The following ZNF816 variants were observed in gnomAD, a reference collection of about 807,000 sequenced individuals.
ZNF816 encodes zinc finger protein 816A.
Under a neutral mutation model 8.3 loss-of-function variants are expected in ZNF816, and 11 were observed. The ratio of observed to expected loss-of-function variants is 1.32; its 90% CI spans 0.83 to 2.19. ZNF816 has a LOEUF of 2.19. Ranked by LOEUF, ZNF816 falls within the 30% of genes most tolerant of loss-of-function variation. The pLI, the probability that ZNF816 is intolerant of heterozygous loss-of-function variation, is 0.00. For missense variants in ZNF816, 710 were observed against 779.3 expected (o/e 0.91, Z 1.06); for synonymous variants, 255 against 254.5 (o/e 1.00, Z -0.02).
In ZNF816 at chr19:52,950,319, A is replaced by G. The variant is rs771392887; in HGVS notation, c.1456T>C (p.Cys486Arg). Reference sequence around the variant, plus strand: ...TCTCTTCGACTAAAAACCTTGCCACATTCATTACATGTGTAAGGTTTCTCT... The same window carrying G: ...TCTCTTCGACTAAAAACCTTGCCACGTTCATTACATGTGTAAGGTTTCTCT... Reference protein sequence around the residue: ...TGEKPYTCNECGKVFSRRENL... With the variant: ...TGEKPYTCNERGKVFSRRENL... The change falls in exon 4 of 4, where the codon TGT becomes CGT. Residue 486 changes from cysteine to arginine, a missense_variant. Coordinates refer to ENST00000444460, the MANE Select transcript of ZNF816 (RefSeq NM_001202457.3). 1.2e-6 allele frequency: 2 copies of G among 1,614,020 alleles called. No homozygotes were observed. Among genetic ancestry groups the G allele is most frequent in the Admixed American group, 3.3e-5 (2 of 60,026 alleles).
At position 52,952,857 on chromosome 19, in the gene ZNF816, A is replaced by C. The variant is rs752985239; in HGVS notation, c.84T>G (p.Asp28Glu). Residue 28 changes from aspartate (D) to glutamate (E), a missense_variant, in exon 3 of 4, where the codon GAT becomes GAG. Asp to Glu is a conservative substitution (Grantham distance 45). Transcript: ENST00000444460. ...ALPQGRLTFR[D>E]VAIEFSLEEW... ...CCTCCAAAGAGAACTCTATAGCCACATCCCTGAAAGTCAAGCGTCCCTAAA... is the reference window on the plus strand; with the variant it reads ...CCTCCAAAGAGAACTCTATAGCCACCTCCCTGAAAGTCAAGCGTCCCTAAA... The C allele has an allele frequency of 6.2e-7, 1 of 1,604,588 alleles. No individual in the cohort carries two copies.
intron 2 of ZNF816, among the ~76,000 whole-genome samples, chr19:52,954,949 A>AT (rs1258432571): frequency 3.3e-5 from 5 of 152,156 alleles, no homozygotes; most frequent in Non-Finnish European, 7.3e-5. Flanking sequence ...AGACATGGGA[A>AT]TGGGTGGAAG....
intron 2 of ZNF816, 83 bp from the exon 3 acceptor site, chr19:52,952,960 G>A: frequency 6.6e-7 from 1 of 1,507,510 alleles, no homozygotes; most frequent in Non-Finnish European, 8.8e-7. Flanking sequence ...CAGAAAATAA[G>A]TATTGATTTG....
At position 52,962,670 on chromosome 19, in the gene ZNF816, C is replaced by G. The variant is rs549074502; in HGVS notation, c.-16+57G>C. 3 of 152,314 alleles carry G rather than the reference C, an allele frequency of 2.0e-5. No homozygotes were observed. The South Asian group carries it at 6.2e-4, about 32-fold the overall frequency. 9.4% of individuals were successfully genotyped at this position (152,314 alleles called of 1,614,324 possible). On this transcript the variant is annotated intron_variant, in intron 1 of 3. Coordinates refer to ENST00000444460, the MANE Select transcript of ZNF816 (RefSeq NM_001202457.3). Reference sequence around the variant, plus strand: ...GGCCCCACTGCAGAAAGACCGGGGACGGGACCAGCCTCAGGGCAACTTTAA... The same window carrying G: ...GGCCCCACTGCAGAAAGACCGGGGAGGGGACCAGCCTCAGGGCAACTTTAA...
At position 52,955,931 on chromosome 19, in the gene ZNF816, G is replaced by T; in HGVS notation, c.63+96C>A. The T allele has an allele frequency of 4.0e-6, 6 of 1,482,450 alleles. No homozygotes were observed. The South Asian group carries it at 5.1e-5, about 12-fold the overall frequency. 91.8% of individuals were successfully genotyped at this position (1,482,450 alleles called of 1,614,324 possible). On this transcript the variant is annotated intron_variant, in intron 2 of 3. Transcript: ENST00000444460. ...GGGTGAGTGCGAGCAAACGTGTGATGTAGAATGCTTCACACTCAGAGAAGA... is the reference window on the plus strand; with the variant it reads ...GGGTGAGTGCGAGCAAACGTGTGATTTAGAATGCTTCACACTCAGAGAAGA...
chr19:52,958,213 C>T (rs560821941), intron 1 of ZNF816, among the ~76,000 whole-genome samples: 22 of 152,314 alleles, frequency 1.4e-4, no homozygotes, highest in Admixed American at 1.1e-3. Flanking sequence ...CCAATGACTA[C>T]AGGCCGGTAC....
Position 52,951,239 on chromosome 19 carries a change from T to G in ZNF816, c.536A>C (p.Gln179Pro), listed in dbSNP as rs1380239232. The G allele has an allele frequency of 3.7e-6, 6 of 1,614,118 alleles. No individual in the cohort carries two copies. The South Asian group carries it at 6.6e-5, about 18-fold the overall frequency. The change falls in exon 4 of 4, where the codon CAA (glutamine) becomes CCA (proline). Residue 179 changes from glutamine (Q) to proline (P), a missense_variant. Coordinates refer to ENST00000444460, the MANE Select transcript of ZNF816 (RefSeq NM_001202457.3). Reference sequence around the variant, plus strand: ...GGAAGCACCGATAGACTTGTCCAATTGGTTACTAATTTTCCCTTTAGTCTG... The same window carrying G: ...GGAAGCACCGATAGACTTGTCCAATGGGTTACTAATTTTCCCTTTAGTCTG... The part of the protein sequence containing the change: ...MFQTKGKISN[Q>P]LDKSIGASSA...
Position 52,949,716 on chromosome 19 carries a change from T to C in ZNF816, c.*103A>G, listed in dbSNP as rs923207480. 4 of 1,558,292 alleles carry C rather than the reference T, an allele frequency of 2.6e-6. No individual in the cohort carries two copies. The highest frequency in any genetic ancestry group is 2.7e-5 in the African/African-American group (2 of 73,732). On this transcript the variant is annotated 3_prime_UTR_variant, in exon 4 of 4. Transcript: ENST00000444460. Reference sequence around the variant, plus strand: ...TGAACTACAAGTTATGAATGACGTCTGAAAAATTTGCCACATTTATTACAC... The same window carrying C: ...TGAACTACAAGTTATGAATGACGTCCGAAAAATTTGCCACATTTATTACAC...
chr19:52,960,325 C>A (rs1390419058), intron 1 of ZNF816: 2 of 236,026 alleles, frequency 8.5e-6, no homozygotes, highest in Non-Finnish European at 1.7e-5. Flanking sequence ...TCGTGTGTAC[C>A]TACTCTAGGT....
rs114212069 is a variant in ZNF816, at chr19:52,956,120, G to A, written c.-15-16C>T. Reference sequence around the variant, plus strand: ...TTTGGAAATCCTGTATGTTAAAAAAGCAAGAGATTTAATATTTAGAAACCA... The same window carrying A: ...TTTGGAAATCCTGTATGTTAAAAAAACAAGAGATTTAATATTTAGAAACCA... On this transcript the variant is annotated splice_polypyrimidine_tract_variant and intron_variant, in intron 1 of 3. Transcript: ENST00000444460. 2 of 1,596,742 alleles carry A rather than the reference G, an allele frequency of 1.3e-6. No homozygotes were observed. Among genetic ancestry groups the A allele is most frequent in the East Asian group, 2.2e-5 (1 of 44,704 alleles).
In ZNF816 at chr19:52,950,142, C is replaced by G. The variant is rs1482357265; in HGVS notation, c.1633G>C (p.Ala545Pro). Residue 545 changes from alanine to proline, a missense_variant, in exon 4 of 4, where the codon GCT (alanine) becomes CCT (proline). By Grantham distance (27) the Ala-to-Pro change is conservative. Transcript: ENST00000444460. ...KPYKCKVCDK[A>P]FRSDSCLANH... ...GCAAGGCATGAATCACTCCGGAAAG[C>G]CTTGTCACAAACCTTACATTTGTAT... The G allele has an allele frequency of 3.7e-6, 6 of 1,613,990 alleles. No individual in the cohort carries two copies. Among genetic ancestry groups the G allele is most frequent in the Non-Finnish European group, 5.1e-6 (6 of 1,179,956 alleles).
At chr19:52,955,948 C>A in intron 2 of ZNF816, 79 bp downstream of exon 2, 17 of 1,538,908 alleles carry the variant, frequency 1.1e-5, no homozygotes, top group Non-Finnish European at 1.5e-5. Flanking sequence ...GCTTCACACT[C>A]AGAGAAGATT....
chr19:52,956,749 T>C (rs1199007880), intron 1 of ZNF816, among the ~76,000 whole-genome samples: 1 of 152,158 alleles, frequency 6.6e-6, no homozygotes, highest in Non-Finnish European at 1.5e-5. Flanking sequence ...CCACTTCTCC[T>C]GCTGCCTTCC....
Position 52,949,841 on chromosome 19 carries a change from C to T in ZNF816, c.1934G>A (p.Cys645Tyr), listed in dbSNP as rs776452458. Residue 645 changes from cysteine (C) to tyrosine (Y), a missense_variant, in exon 4 of 4, where the codon TGT becomes TAT. Cys to Tyr is a radical substitution (Grantham distance 194, BLOSUM62 -2). Transcript: ENST00000444460. ...TLIHHQAIHG[C>Y]RETLQM ...TCATTACATTTGTAAAGTTTCCCTA[C>T]ACCCATGGATTGCTTGATGGTGAAT... is the stretch of plus-strand genomic sequence containing the variant. The T allele has an allele frequency of 2.3e-5, 37 of 1,613,566 alleles. No individual in the cohort carries two copies. The East Asian group carries it at 2.9e-4, about 13-fold the overall frequency.
chr19:52,952,818 C>T lies in ZNF816; in HGVS notation c.123G>A (p.Leu41=), dbSNP rs2083471279. 3.1e-6 allele frequency: 5 copies of T among 1,613,716 alleles called. No homozygotes were observed. Among genetic ancestry groups the T allele is most frequent in the Non-Finnish European group, 4.2e-6 (5 of 1,179,914 alleles). ...IEFSLEEWKC[L]NPAQRALYRA... ...TGTATAAAGCCCTCTGTGCAGGGTT[C>T]AGGCATTTCCACTCCTCCAAAGAGA... Residue 41 remains leucine, a synonymous_variant, in exon 3 of 4, where the codon CTG becomes CTA. Coordinates refer to ENST00000444460, the MANE Select transcript of ZNF816 (RefSeq NM_001202457.3).
At position 52,950,231 on chromosome 19, in the gene ZNF816, T is replaced by C. The variant is rs767675580; in HGVS notation, c.1544A>G (p.Asp515Gly). The C allele has an allele frequency of 1.2e-6, 2 of 1,613,798 alleles. No homozygotes were observed. Among genetic ancestry groups the C allele is most frequent in the Non-Finnish European group, 8.5e-7 (1 of 1,179,954 alleles). The change falls in exon 4 of 4, where the codon GAC becomes GGC. Residue 515 changes from aspartate to glycine, a missense_variant. Physicochemically the swap from Asp to Gly is moderately conservative, Grantham distance 94. Coordinates refer to ENST00000444460, the MANE Select transcript of ZNF816 (RefSeq NM_001202457.3). ...GTGTGATCTGCGACTGAAAACTTTG[T>C]CACATTCTTCACATTTGTAAGGTTT... ...GEKPYKCEEC[D>G]KVFSRRSHLE...
In ZNF816 at chr19:52,957,547, T is replaced by A. The variant is rs1452381576; in HGVS notation, c.-15-1443A>T. On this transcript the variant is annotated intron_variant, in intron 1 of 3. Transcript: ENST00000444460. This position sits in a 1 kb window ranked among gnomAD's most constrained non-coding sequence, Gnocchi z 4.6. ...GTTACTGAACTGAGGAGGACCAGGC[T>A]CAACTGCCCCCAAGGAGCCCATGGT... Among the ~76,000 whole-genome samples the A allele has an allele frequency of 6.6e-6, 1 of 152,150 alleles. No individual in the cohort carries two copies. Among genetic ancestry groups the A allele is most frequent in the Non-Finnish European group, 1.5e-5 (1 of 68,026 alleles).
chr19:52,952,950 C>T, intron 2 of ZNF816, 73 bp from the exon 3 acceptor site: 1 of 1,517,516 alleles, frequency 6.6e-7, no homozygotes, highest in Non-Finnish European at 8.8e-7. Flanking sequence ...AATGAGAAAA[C>T]AGAAAATAAG....
chr19:52,954,003 T>C (rs28621899), intron 2 of ZNF816, among the ~76,000 whole-genome samples: 3,344 of 135,680 alleles, frequency 0.025, 127 homozygotes, highest in African/African-American at 0.093. Flanking sequence ...GTCACACCAT[T>C]GCAATCCTGC....
Sources: allele counts gnomAD v4.1 joint callset (sites outside exome capture counted in the v4.1 genomes callset), GRCh38; gene constraint gnomAD v4.1.1; non-coding constraint Gnocchi (gnomAD v3.1); transcripts MANE v1.5; gene names NCBI Gene and HGNC (gene_info 2026-07-23, HGNC 2026-07-21).